IARS2: variants seen among roughly 807,000 people sequenced by gnomAD.
The protein encoded by IARS2 is isoleucyl-tRNA synthetase 2, mitochondrial, also known as isoleucine--tRNA ligase, mitochondrial.
Under a neutral mutation model 126.3 loss-of-function variants are expected in IARS2, and 56 were observed. That is an observed-to-expected ratio of 0.44 (90% CI 0.36 to 0.55). IARS2 has a LOEUF of 0.55. IARS2 is among the 20% of genes least tolerant of loss of function. IARS2 has a pLI of 0.00. For missense variants in IARS2, 1,127 were observed against 1,245.9 expected, an observed-to-expected ratio of 0.90 and a Z score of 1.44; for synonymous variants, 407 against 441.1, an observed-to-expected ratio of 0.92 and a Z score of 0.97.
At chr1:220,103,939 A>T (rs1184535159) in intron 8 of IARS2, among the ~76,000 whole-genome samples, 1 of 152,234 alleles carries the variant, frequency 6.6e-6, no homozygotes, top group Admixed American at 6.5e-5. Context: ...TCTGAAAATT[A>T]TTCAGAAAGC....
intron 2 of IARS2, among the ~76,000 whole-genome samples, chr1:220,097,787 G>A (rs1038250514): frequency 1.2e-4 from 19 of 152,178 alleles, no homozygotes; most frequent in African/African-American, 3.9e-4. Context: ...AGTGGATCAC[G>A]TGTTCACTCT....
At chr1:220,129,845 A>G (rs1400456746) in intron 14 of IARS2, among the ~76,000 whole-genome samples, 1 of 152,122 alleles carries the variant, frequency 6.6e-6, no homozygotes, top group African/African-American at 2.4e-5. Context: ...GGATATGCTG[A>G]TTTTATTTCC....
chr1:220,132,369 C>G (rs538984482), intron 14 of IARS2, among the ~76,000 whole-genome samples: 5 of 152,060 alleles, frequency 3.3e-5, no homozygotes, highest in African/African-American at 9.7e-5. Flanking sequence ...CCTTACTGTT[C>G]TATTTCTTCC....
Position 220,134,410 on chromosome 1 carries a change from C to A in IARS2, c.1846C>A (p.Gln616Lys). The change falls in exon 15 of 23, where the codon CAA becomes AAA. Residue 616 changes from glutamine to lysine, a missense_variant. Physicochemically the swap from Gln to Lys is moderately conservative, Grantham distance 53. Transcript: ENST00000366922. ...TAATACTTAATTTTGAGGTCCTGAC[C>A]AAAGAGCAGATTTGTACTTGGAAGG... The part of the protein sequence containing the change: ...SWSYVLPGPD[Q>K]RADLYLEGKD... 6.3e-7 allele frequency: 1 copy of A among 1,595,520 alleles called. No homozygotes were observed. Among genetic ancestry groups the A allele is most frequent in the Non-Finnish European group, 8.5e-7 (1 of 1,172,794 alleles).
At chr1:220,127,038 A>G (rs1287115619) in intron 14 of IARS2, among the ~76,000 whole-genome samples, 195 bp downstream of exon 14, 1 of 152,180 alleles carries the variant, frequency 6.6e-6, no homozygotes, top group African/African-American at 2.4e-5. Flanking sequence ...TTCTAGATGA[A>G]ATTTCATTTA....
chr1:220,144,271 A>G (rs541528847), intron 21 of IARS2: 10 of 764,170 alleles, frequency 1.3e-5, no homozygotes, highest in South Asian at 4.0e-5. Flanking sequence ...GCACGGCCTA[A>G]TAAGCACCTG....
rs368924285 is a variant in IARS2, at chr1:220,094,305, G to T, written c.89G>T (p.Ser30Ile). ...TGGGGGACGCCCCGCCTTCCCTGCA[G>T]CCCGGGATGGCAAGGGGCGACGAAG... ...SLWGTPRLPC[S>I]PGWQGATKRL... Residue 30 changes from serine (S) to isoleucine (I), a missense_variant, in exon 1 of 23, where the codon AGC becomes ATC. Coordinates refer to ENST00000366922, the MANE Select transcript of IARS2 (RefSeq NM_018060.4). 1 of 1,612,276 alleles carries T rather than the reference G, an allele frequency of 6.2e-7. No individual in the cohort carries two copies. Among genetic ancestry groups the T allele is most frequent in the Non-Finnish European group, 8.5e-7 (1 of 1,179,420 alleles).
intron 14 of IARS2, among the ~76,000 whole-genome samples, chr1:220,130,710 A>G (rs963548179): frequency 6.6e-6 from 1 of 152,130 alleles, no homozygotes; most frequent in African/African-American, 2.4e-5. Context: ...GGCACCTGCC[A>G]CCACGCCTGG....
At chr1:220,138,711 A>C (rs1202328763) in intron 17 of IARS2, among the ~76,000 whole-genome samples, 1 of 152,138 alleles carries the variant, frequency 6.6e-6, no homozygotes, top group African/African-American at 2.4e-5. Flanking sequence ...TGACCCACAC[A>C]CATGAATAAA....
intron 10 of IARS2, among the ~76,000 whole-genome samples, chr1:220,108,067 T>C (rs1049207612): frequency 2.0e-5 from 3 of 149,422 alleles, no homozygotes; most frequent in African/African-American, 4.9e-5. Context: ...CCCAGCTAAT[T>C]TTTTTTTTTT....
At chr1:220,115,329 G>A (rs1014993375) in intron 12 of IARS2, among the ~76,000 whole-genome samples, 10 of 152,010 alleles carry the variant, frequency 6.6e-5, no homozygotes, top group Non-Finnish European at 8.8e-5. Context: ...TTGGGAGGCC[G>A]AGGCTGGTGT....
intron 14 of IARS2, 78 bp from the exon 15 acceptor site, chr1:220,134,324 A>G: frequency 3.1e-6 from 3 of 975,496 alleles, no homozygotes; most frequent in South Asian, 1.8e-5. Context: ...ACTAATTGTT[A>G]TTAATAAGTA....
At chr1:220,113,382 G>A (rs1656850231) in intron 11 of IARS2, among the ~76,000 whole-genome samples, 1 of 152,144 alleles carries the variant, frequency 6.6e-6, no homozygotes, top group African/African-American at 2.4e-5. Context: ...GTTACGGTGA[G>A]TGAGGAAACC....
At chr1:220,140,160 T>A (rs1195394463) in intron 18 of IARS2, 23 bp from the exon 19 acceptor site, 1 of 1,413,042 alleles carries the variant, frequency 7.1e-7, no homozygotes, top group South Asian at 1.2e-5. Context: ...AGCTTCCAAA[T>A]TTATTTTGGC....
intron 20 of IARS2, 70 bp from the exon 21 acceptor site, chr1:220,142,870 CTATT>C: frequency 1.0e-6 from 1 of 962,318 alleles, no homozygotes; most frequent in Non-Finnish European, 1.5e-6. Flanking sequence ...TTAATGGTAA[CTATT>C]TAATGGTTAG....
rs546239583 is a variant in IARS2, at chr1:220,096,242, G to A, written c.390+16G>A. On this transcript the variant is annotated intron_variant, in intron 2 of 22. Transcript: ENST00000366922. The stretch of plus-strand genomic sequence containing the variant: ...TTTAAATAAGGTAACTATAATTTAG[G>A]TTATGACACTTGAAAGAAAGTGTTT... 5 of 1,513,380 alleles carry A rather than the reference G, an allele frequency of 3.3e-6. No homozygotes were observed. In the South Asian group the frequency reaches 5.3e-5, roughly 16 times the overall value. The allele number at this position is 1,513,380 out of a possible 1,614,324, so 93.7% of individuals were successfully genotyped here.
In IARS2 at chr1:220,141,791, G is replaced by A. The variant is rs1657496834; in HGVS notation, c.2415-12G>A. On this transcript the variant is annotated splice_polypyrimidine_tract_variant and intron_variant, in intron 19 of 22. Transcript: ENST00000366922. ...AGTATTGTCAACTGCTGAATAAGTT[G>A]TTCTTGTTCAGGCTCTATTGTGAAA... is the stretch of plus-strand genomic sequence containing the variant. 1 of 1,613,038 alleles carries A rather than the reference G, an allele frequency of 6.2e-7. No individual in the cohort carries two copies. The highest frequency in any genetic ancestry group is 8.5e-7 in the Non-Finnish European group (1 of 1,179,530).
intron 10 of IARS2, among the ~76,000 whole-genome samples, chr1:220,109,591 G>C (rs1419418428): frequency 6.6e-6 from 1 of 152,156 alleles, no homozygotes; most frequent in East Asian, 1.9e-4. Flanking sequence ...CACTTTTAGA[G>C]ACAGCAGCTT....
chr1:220,103,672 C>A, intron 8 of IARS2, 110 bp downstream of exon 8: 1 of 642,840 alleles, frequency 1.6e-6, no homozygotes, highest in Non-Finnish European at 2.8e-6. Context: ...TGGCCTCTAC[C>A]TTTCTAGAAT....
Sources: gnomAD v4.1 joint callset for allele counts (sites outside exome capture counted in the v4.1 genomes callset) on GRCh38, gnomAD v4.1.1 for gene constraint, MANE v1.5 for transcripts, NCBI Gene and HGNC (gene_info 2026-07-23, HGNC 2026-07-21) for gene names.